SUPT7L: variants seen among roughly 807,000 people sequenced by gnomAD.
The protein encoded by SUPT7L is SPT7 like, STAGA complex subunit gamma, also known as STAGA complex 65 subunit gamma.
SUPT7L carries 15 observed loss-of-function variants against 35.7 expected under a neutral mutation model. That is an observed-to-expected ratio of 0.42 (90% confidence interval 0.28 to 0.65). The LOEUF (loss-of-function observed/expected upper bound fraction) is 0.65. SUPT7L is among the 30% of genes least tolerant of loss of function. The probability of loss-of-function intolerance (pLI) is 0.23; values close to 1 mark genes in which losing one functional copy is unlikely to be tolerated. For missense variants in SUPT7L, 434 were observed against 522.2 expected (o/e 0.83, Z 1.65); for synonymous variants, 168 against 186.2 (o/e 0.90, Z 0.79).
chr2:27,653,498 A>C lies in SUPT7L; in HGVS notation c.1232T>G (p.Met411Arg). The C allele has an allele frequency of 6.2e-7, 1 of 1,613,976 alleles. No homozygotes were observed. Among genetic ancestry groups the C allele is most frequent in the Non-Finnish European group, 8.5e-7 (1 of 1,179,948 alleles). The change falls in exon 6 of 6, where the codon ATG becomes AGG. Residue 411 changes from methionine to arginine, a missense_variant. Around this residue, in one of 3 missense-constraint regions of SUPT7L, gnomAD observed 159 missense variants for 217.1 expected, o/e 0.73. Coordinates refer to ENST00000337768, the MANE Select transcript of SUPT7L (RefSeq NM_014860.3). ...CCTCTTTTCCTTTTATATTTTCCTC[A>C]TCCTCTTCTTGCAGCGCTGGTTGAA... is the stretch of plus-strand genomic sequence containing the variant. ...PVFNQRCKKR[M>R]RKI
Position 27,653,481 on chromosome 2 carries a change from C to T in SUPT7L, c.*4G>A. ...TCTGGACAAAACATCTCCCTCTTTTCCTTTTATATTTTCCTCATCCTCTTC... is the reference window on the plus strand; with the variant it reads ...TCTGGACAAAACATCTCCCTCTTTTTCTTTTATATTTTCCTCATCCTCTTC... On this transcript the variant is annotated 3_prime_UTR_variant, in exon 6 of 6. Transcript: ENST00000337768. The T allele has an allele frequency of 1.9e-6, 3 of 1,612,476 alleles. No individual in the cohort carries two copies. Among genetic ancestry groups the T allele is most frequent in the Non-Finnish European group, 2.5e-6 (3 of 1,179,298 alleles).
Position 27,655,409 on chromosome 2 carries a change from C to T in SUPT7L, c.938G>A (p.Arg313His), listed in dbSNP as rs1371616017. 4.4e-6 allele frequency: 7 copies of T among 1,608,416 alleles called. No homozygotes were observed. The highest frequency in any genetic ancestry group is 4.5e-5 in the East Asian group (2 of 44,802). ...PMGVLGAQSE[R>H]FPSNLEVEAS... ...TTCAACCTCCAGGTTAGATGGGAAG[C>T]GTTCGCTCTGAGCCCCAAGCACTCC... Residue 313 changes from arginine to histidine, a missense_variant, in exon 5 of 6, where the codon CGC (arginine) becomes CAC (histidine). Coordinates refer to ENST00000337768, the MANE Select transcript of SUPT7L (RefSeq NM_014860.3).
At chr2:27,649,117 C>T (rs1674384733), downstream of SUPT7L, among the ~76,000 whole-genome samples, 1 of 151,768 alleles carries the variant, frequency 6.6e-6, no homozygotes, top group South Asian at 2.1e-4. Flanking sequence ...TGGTGGCAGG[C>T]ACCTGTAATC....
the SUPT7L span, among the ~76,000 whole-genome samples, chr2:27,643,448 T>C: frequency 6.6e-6 from 1 of 152,148 alleles, no homozygotes; most frequent in African/African-American, 2.4e-5. The surrounding 1 kb of genome is among the most constrained non-coding windows in gnomAD (Gnocchi z 4.0). Flanking sequence ...AAAACAAGGA[T>C]ATAATTTTAT....
chr2:27,657,887 T>C lies in SUPT7L; in HGVS notation c.420-218A>G, dbSNP rs1029545965. On this transcript the variant is annotated intron_variant, in intron 3 of 5. Transcript: ENST00000337768. The surrounding 1 kb of genome is among the most constrained non-coding windows in gnomAD (Gnocchi z 5.2). ...AGCTCCTCCAAAGACATAGTTTGAA[T>C]AGGCAATACATGTCTATAATACACA... Among the ~76,000 whole-genome samples the C allele has an allele frequency of 6.6e-6, 1 of 152,218 alleles. No individual in the cohort carries two copies. Among genetic ancestry groups the C allele is most frequent in the Non-Finnish European group, 1.5e-5 (1 of 68,040 alleles).
intron 3 of SUPT7L, among the ~76,000 whole-genome samples, chr2:27,660,235 T>A (rs1366738522): frequency 6.9e-6 from 1 of 144,226 alleles, no homozygotes; most frequent in Non-Finnish European, 1.5e-5. Context: ...TTATTATTTC[T>A]TTTTTTTTTT....
intron 2 of SUPT7L, 98 bp from the exon 3 acceptor site, chr2:27,661,486 G>C (rs1434800566): frequency 6.5e-7 from 1 of 1,541,274 alleles, no homozygotes; most frequent in Non-Finnish European, 8.7e-7. Flanking sequence ...TAGATTATAG[G>C]CTTCTGTAGT....
rs1674569645 is a variant in SUPT7L, at chr2:27,651,830, T to TAAAC, written c.*1651_*1654dup. ...AACTGCCTAATCGCCACTTTCATTA[T>TAAAC]AAACAAAGGAAAATGAAGATAAGAC... On this transcript the variant is annotated 3_prime_UTR_variant, in exon 6 of 6. Coordinates refer to ENST00000337768, the MANE Select transcript of SUPT7L (RefSeq NM_014860.3). 1 of 152,186 alleles carries TAAAC rather than the reference T, an allele frequency of 6.6e-6. No homozygotes were observed. Among genetic ancestry groups the TAAAC allele is most frequent in the Admixed American group, 6.5e-5 (1 of 15,270 alleles). 9.4% of individuals were successfully genotyped at this position (152,186 alleles called of 1,614,324 possible). A position where few individuals can be genotyped will look rare whatever the true frequency, so the allele number is the denominator to read the frequency against.
At chr2:27,655,629 C>A in intron 4 of SUPT7L, 27 bp from the exon 5 acceptor site, 1 of 1,541,126 alleles carries the variant, frequency 6.5e-7, no homozygotes, top group Admixed American at 2.1e-5. Context: ...GTCAATTTTC[C>A]AAGGAAATGT....
chr2:27,646,812 G>A (rs935516934), downstream of SUPT7L, among the ~76,000 whole-genome samples: 5 of 151,868 alleles, frequency 3.3e-5, no homozygotes, highest in Admixed American at 3.3e-4. Context: ...TCTATATCTA[G>A]TAGAGAACAG....
chr2:27,661,472 A>C lies in SUPT7L; in HGVS notation c.15-84T>G, dbSNP rs1572982473. 3.2e-6 allele frequency: 5 copies of C among 1,569,938 alleles called. No individual in the cohort carries two copies. In the East Asian group the frequency reaches 1.1e-4, roughly 35 times the overall value. On this transcript the variant is annotated intron_variant, in intron 2 of 5. Coordinates refer to ENST00000337768, the MANE Select transcript of SUPT7L (RefSeq NM_014860.3). ...AAAGTAATGTGTTTAAATCCTGGCA[A>C]CTTTAGATTATAGGCTTCTGTAGTG...
downstream of SUPT7L, among the ~76,000 whole-genome samples, chr2:27,646,406 A>G (rs747037646): frequency 5.9e-5 from 9 of 152,148 alleles, no homozygotes; most frequent in African/African-American, 1.2e-4. Context: ...GATTTTCTGG[A>G]CCGTTACATC....
the SUPT7L span, among the ~76,000 whole-genome samples, chr2:27,644,760 G>A: frequency 6.9e-6 from 1 of 144,310 alleles, no homozygotes; most frequent in Admixed American, 6.9e-5. Flanking sequence ...GAGGTCTGAG[G>A]CTGGTCTGGA....
At chr2:27,658,778 CCAGT>C (rs147336988) in intron 3 of SUPT7L, among the ~76,000 whole-genome samples, 2,570 of 152,296 alleles carry the variant, frequency 0.017, 78 homozygotes, top group African/African-American at 0.058. Context: ...ATTTCCATGG[CCAGT>C]GTCTCTGGGC....
At chr2:27,659,820 T>C (rs1325928190) in intron 3 of SUPT7L, among the ~76,000 whole-genome samples, 1 of 152,196 alleles carries the variant, frequency 6.6e-6, no homozygotes, top group Non-Finnish European at 1.5e-5. Context: ...TGTGTATATA[T>C]GTGTATACAC....
intron 3 of SUPT7L, among the ~76,000 whole-genome samples, chr2:27,660,425 T>A (rs1234463805): frequency 6.6e-6 from 1 of 152,120 alleles, no homozygotes; most frequent in Admixed American, 6.6e-5. Context: ...GGTTTCGCCA[T>A]GTTGGCCAGG....
chr2:27,662,319 A>G lies in SUPT7L; in HGVS notation c.-89-38T>C, dbSNP rs557108939. Reference sequence around the variant, plus strand: ...AGAGAAACAGAAGCAGAATATTTCAATATGAAACATGGTAAGTACTGTTCT... The same window carrying G: ...AGAGAAACAGAAGCAGAATATTTCAGTATGAAACATGGTAAGTACTGTTCT... On this transcript the variant is annotated intron_variant, in intron 1 of 5. Coordinates refer to ENST00000337768, the MANE Select transcript of SUPT7L (RefSeq NM_014860.3). 29 of 1,063,548 alleles carry G rather than the reference A, an allele frequency of 2.7e-5. No homozygotes were observed. The East Asian group carries it at 6.5e-4, about 24-fold the overall frequency. 65.9% of individuals were successfully genotyped at this position (1,063,548 alleles called of 1,614,324 possible).
chr2:27,660,336 G>C, intron 3 of SUPT7L, among the ~76,000 whole-genome samples: 1 of 151,622 alleles, frequency 6.6e-6, no homozygotes, highest in Non-Finnish European at 1.5e-5. Flanking sequence ...TGATTCTCGT[G>C]CCTCAGCCTC....
chr2:27,655,078 C>T (rs760883265), intron 5 of SUPT7L, among the ~76,000 whole-genome samples: 19 of 152,214 alleles, frequency 1.2e-4, no homozygotes, highest in Non-Finnish European at 1.8e-4. Flanking sequence ...CCAGCTGGAT[C>T]AGCTGAATCA....
Sources: allele counts gnomAD v4.1 joint callset (sites outside exome capture counted in the v4.1 genomes callset), GRCh38; gene constraint gnomAD v4.1.1; regional missense constraint gnomAD v4.1.1; non-coding constraint Gnocchi (gnomAD v3.1); transcripts MANE v1.5; gene names NCBI Gene and HGNC (gene_info 2026-07-23, HGNC 2026-07-21).